The following B3GALT1 variants were observed in gnomAD, a reference collection of about 807,000 sequenced individuals.
B3GALT1 encodes UDP-Gal:betaGlcNAc beta 1,3-galactosyltransferase, polypeptide 1.
A neutral mutation model predicts 23.2 loss-of-function variants in B3GALT1; 10 were observed. The observed-to-expected ratio is 0.43, with a 90% CI of 0.27 to 0.73. B3GALT1 has a LOEUF of 0.73. Ranked by LOEUF, B3GALT1 falls within the 30% of genes least tolerant of loss-of-function variation. The pLI, the probability that B3GALT1 is intolerant of heterozygous loss-of-function variation, is 0.21. For synonymous variants in B3GALT1, 156 were observed against 141.5 expected, an observed-to-expected ratio of 1.10 and a Z score of -0.73; for missense variants, 299 against 405.4, an observed-to-expected ratio of 0.74 and a Z score of 2.25.
chr2:167,584,365 G>GT (rs1322334316), intron 2 of B3GALT1, among the ~76,000 whole-genome samples: 1 of 152,094 alleles, frequency 6.6e-6, no homozygotes, highest in Non-Finnish European at 1.5e-5. Flanking sequence ...AAAAAACTCA[G>GT]TTTTTCCCAC....
Position 167,669,004 on chromosome 2 carries a change from G to T in B3GALT1, c.-352+22038G>T, listed in dbSNP as rs542061595. 2.0e-5 allele frequency among the ~76,000 whole-genome samples: 3 copies of T among 152,184 alleles called. No homozygotes were observed. In the South Asian group the frequency reaches 6.2e-4, roughly 32 times the overall value. ...GTCACTTTCCAATGAGGCCTCCTCT[G>T]CCTTCTTTATATAAAGTTGCTGTCC... On this transcript the variant is annotated intron_variant, in intron 3 of 4. Transcript: ENST00000392690.
chr2:167,847,933 A>G (rs1387435810), intron 4 of B3GALT1, among the ~76,000 whole-genome samples: 2 of 152,192 alleles, frequency 1.3e-5, no homozygotes, highest in Non-Finnish European at 2.9e-5. Context: ...ACCGAAATAC[A>G]AAAGATTATT....
At chr2:167,579,448 C>CTTTTT (rs1558913471) in intron 2 of B3GALT1, among the ~76,000 whole-genome samples, 1 of 113,328 alleles carries the variant, frequency 8.8e-6, no homozygotes, top group Non-Finnish European at 1.8e-5. Flanking sequence ...TTTTTTTTTT[C>CTTTTT]CATTTAAATT....
In B3GALT1 at chr2:167,661,442, A is replaced by C. The variant is rs116605501; in HGVS notation, c.-352+14476A>C. 9.7e-3 allele frequency among the ~76,000 whole-genome samples: 1,480 copies of C among 152,198 alleles called. 25 individuals carry two copies. The highest frequency in any genetic ancestry group is 0.034 in the African/African-American group (1,396 of 41,526). On this transcript the variant is annotated intron_variant, in intron 3 of 4. Transcript: ENST00000392690. ...AAACTGATGAAAATTCTGCCTGCTT[A>C]GAATGGTAGCCACTCCATTCTAAAC...
At chr2:167,569,175 C>T (rs1684240660) in intron 2 of B3GALT1, among the ~76,000 whole-genome samples, 2 of 151,742 alleles carry the variant, frequency 1.3e-5, no homozygotes, top group Non-Finnish European at 2.9e-5. Flanking sequence ...CAACTTTGTT[C>T]TTCTTCAGTA....
chr2:167,594,381 T>C (rs550574278), intron 2 of B3GALT1, among the ~76,000 whole-genome samples: 14 of 152,248 alleles, frequency 9.2e-5, no homozygotes, highest in African/African-American at 3.1e-4. Context: ...AATAAAGAAA[T>C]AGTATTCCAG....
intron 3 of B3GALT1, among the ~76,000 whole-genome samples, chr2:167,713,040 G>A (rs1311973147): frequency 6.6e-6 from 1 of 152,184 alleles, no homozygotes; most frequent in Non-Finnish European, 1.5e-5. Flanking sequence ...CATGGATTTT[G>A]CAGGTGCACA....
intron 2 of B3GALT1, among the ~76,000 whole-genome samples, chr2:167,593,205 GA>G (rs1299068843): frequency 2.0e-5 from 3 of 152,070 alleles, no homozygotes; most frequent in African/African-American, 7.2e-5. Flanking sequence ...GCAAACAACT[GA>G]AATACATATA....
chr2:167,512,554 A>ATATG (rs1158957400), intron 2 of B3GALT1, among the ~76,000 whole-genome samples: 5 of 98,224 alleles, frequency 5.1e-5, no homozygotes, highest in East Asian at 8.0e-4. Flanking sequence ...ATGTATATAT[A>ATATG]TGTATATATA....
In B3GALT1 at chr2:167,566,636, G is replaced by C. The variant is rs189265110; in HGVS notation, c.-410+76359G>C. Among the ~76,000 whole-genome samples, 194 of 152,252 alleles carry C rather than the reference G, an allele frequency of 1.3e-3. 1 individual carries two copies. Among genetic ancestry groups the C allele is most frequent in the African/African-American group, 4.3e-3 (178 of 41,542 alleles). ...GAGGTTTAGTGAAGTTATGGAGTTT[G>C]CTAATTGAGCCATATGAGTAGTTAA... On this transcript the variant is annotated intron_variant, in intron 2 of 4. Transcript: ENST00000392690.
chr2:167,347,325 A>G (rs1697235976), intron 1 of B3GALT1, among the ~76,000 whole-genome samples: 1 of 152,170 alleles, frequency 6.6e-6, no homozygotes, highest in Non-Finnish European at 1.5e-5. Context: ...GAGCAAGTTG[A>G]TGCTTAGAAA....
intron 1 of B3GALT1, among the ~76,000 whole-genome samples, chr2:167,330,430 G>A (rs1696955632): frequency 6.6e-6 from 1 of 152,184 alleles, no homozygotes; most frequent in South Asian, 2.1e-4. Flanking sequence ...AACATAGTGA[G>A]ACCCTGTCTC....
chr2:167,795,112 T>G (rs955595571), intron 3 of B3GALT1, among the ~76,000 whole-genome samples: 2 of 152,184 alleles, frequency 1.3e-5, no homozygotes, highest in African/African-American at 4.8e-5. Context: ...TGGTGCACTT[T>G]GGACAGGTGT....
intron 2 of B3GALT1, among the ~76,000 whole-genome samples, chr2:167,614,636 A>G (rs1046624218): frequency 2.0e-5 from 3 of 152,048 alleles, no homozygotes; most frequent in African/African-American, 4.8e-5. Context: ...TAGAGTTCTT[A>G]TATTTGAAAC....
chr2:167,529,937 C>G (rs2105367106), intron 2 of B3GALT1, among the ~76,000 whole-genome samples: 1 of 152,120 alleles, frequency 6.6e-6, no homozygotes, highest in Middle Eastern at 3.4e-3. Context: ...TATGTCACTC[C>G]CCTTCTCTCA....
chr2:167,678,278 G>T (rs1266091203), intron 3 of B3GALT1, among the ~76,000 whole-genome samples: 1 of 152,072 alleles, frequency 6.6e-6, no homozygotes, highest in Non-Finnish European at 1.5e-5. Flanking sequence ...GGGGCTGTTC[G>T]ATCCACTTTC....
intron 4 of B3GALT1, among the ~76,000 whole-genome samples, chr2:167,867,052 G>A (rs924992001): frequency 5.3e-5 from 8 of 151,600 alleles, no homozygotes; most frequent in East Asian, 1.9e-4. Flanking sequence ...TCAGCCTCCC[G>A]AGTAGCTGGG....
At chr2:167,361,987 T>C (rs1697507610) in intron 1 of B3GALT1, among the ~76,000 whole-genome samples, 1 of 151,994 alleles carries the variant, frequency 6.6e-6, no homozygotes, top group African/African-American at 2.4e-5. Context: ...GGCAGGAGAA[T>C]CGATTGAACC....
chr2:167,631,083 A>G (rs1018375199), intron 2 of B3GALT1, among the ~76,000 whole-genome samples: 12 of 151,900 alleles, frequency 7.9e-5, no homozygotes, highest in African/African-American at 2.7e-4. Context: ...TACCATATTC[A>G]TATGTTGCTT....
Sources: allele counts gnomAD v4.1 joint callset (sites outside exome capture counted in the v4.1 genomes callset), GRCh38; gene constraint gnomAD v4.1.1; transcripts MANE v1.5; gene names NCBI Gene and HGNC (gene_info 2026-07-23, HGNC 2026-07-21).